The following SLC5A8 variants were observed in gnomAD, a reference collection of about 807,000 sequenced individuals.
SLC5A8 encodes the protein solute carrier family 5 member 8.
A neutral mutation model predicts 71.9 loss-of-function variants in SLC5A8; 55 were observed. The observed-to-expected ratio is 0.77, with a 90% CI of 0.62 to 0.96. SLC5A8 has a LOEUF of 0.96. Among genes scored for constraint, SLC5A8 ranks in the 40% least tolerant of loss-of-function variants. The pLI is 0.00. For missense variants in SLC5A8, 701 were observed against 745.3 expected, an observed-to-expected ratio of 0.94 and a Z score of 0.69; for synonymous variants, 307 against 276.1, an observed-to-expected ratio of 1.11 and a Z score of -1.11.
chr12:101,188,079 A>G (rs1420765991), intron 6 of SLC5A8, among the ~76,000 whole-genome samples: 1 of 152,214 alleles, frequency 6.6e-6, no homozygotes, highest in African/African-American at 2.4e-5. Context: ...ATAAAGGTTT[A>G]CACACAGCAC....
Position 101,185,412 on chromosome 12 carries a change from C to T in SLC5A8, c.964-1190G>A, listed in dbSNP as rs538711383. ...TCAAAAATCTGTGGTGTAATTATTT[C>T]GTATCTGAGTGGCCCCCTCAAGTAT... On this transcript the variant is annotated intron_variant, in intron 7 of 14. Transcript: ENST00000536262. Among the ~76,000 whole-genome samples, 24 of 152,212 alleles carry T rather than the reference C, an allele frequency of 1.6e-4. No homozygotes were observed. In the South Asian group the frequency reaches 2.1e-3, roughly 13 times the overall value.
At chr12:101,189,150 C>G (rs1302981526) in intron 6 of SLC5A8, among the ~76,000 whole-genome samples, 1 of 152,064 alleles carries the variant, frequency 6.6e-6, no homozygotes, top group Admixed American at 6.6e-5. Context: ...TTTCATGTTC[C>G]CAAGGGAAGA....
At chr12:101,168,740 T>C (rs1430647572) in intron 10 of SLC5A8, among the ~76,000 whole-genome samples, 2 of 152,172 alleles carry the variant, frequency 1.3e-5, no homozygotes, top group African/African-American at 4.8e-5. Flanking sequence ...TGCTTTGATG[T>C]AGAGATATCA....
At chr12:101,181,383 A>G (rs1294473554) in intron 9 of SLC5A8, among the ~76,000 whole-genome samples, 1 of 152,190 alleles carries the variant, frequency 6.6e-6, no homozygotes, top group Non-Finnish European at 1.5e-5. Flanking sequence ...CATCTGCCAC[A>G]TTCTTCTCTA....
chr12:101,192,687 C>A (rs564869950), intron 5 of SLC5A8, among the ~76,000 whole-genome samples: 3 of 152,292 alleles, frequency 2.0e-5, no homozygotes, highest in South Asian at 2.1e-4. Context: ...TAGACTGTAA[C>A]TTTCCTAGTC....
intron 1 of SLC5A8, among the ~76,000 whole-genome samples, chr12:101,206,492 C>G (rs1869685051): frequency 6.6e-6 from 1 of 152,154 alleles, no homozygotes; most frequent in Non-Finnish European, 1.5e-5. Flanking sequence ...CCAGGGAAAC[C>G]TGTGATTTAA....
intron 3 of SLC5A8, among the ~76,000 whole-genome samples, chr12:101,198,465 A>G (rs1329487741): frequency 1.3e-5 from 2 of 152,030 alleles, no homozygotes; most frequent in African/African-American, 4.8e-5. Context: ...CACTATAGAT[A>G]CTATAAACAT....
At chr12:101,158,595 T>TC (rs2137118642) in intron 13 of SLC5A8, among the ~76,000 whole-genome samples, 1 of 37,030 alleles carries the variant, frequency 2.7e-5, no homozygotes, top group Admixed American at 3.3e-4. Context: ...TCTCTCTCTC[T>TC]CTCTATATAT....
intron 1 of SLC5A8, among the ~76,000 whole-genome samples, chr12:101,204,930 T>C (rs573609472): frequency 6.6e-6 from 1 of 152,286 alleles, no homozygotes; most frequent in Admixed American, 6.5e-5. Flanking sequence ...TTCCAGAATG[T>C]CATATAAATG....
chr12:101,163,652 C>T (rs193099715), intron 12 of SLC5A8, among the ~76,000 whole-genome samples: 1 of 152,270 alleles, frequency 6.6e-6, no homozygotes, highest in Admixed American at 6.5e-5. Context: ...GACTGAGACT[C>T]CGTCTCAAAC....
intron 4 of SLC5A8, 69 bp from the exon 5 acceptor site, chr12:101,193,848 A>T (rs1019769258): frequency 2.7e-6 from 4 of 1,471,286 alleles, no homozygotes; most frequent in Non-Finnish European, 3.7e-6. Flanking sequence ...ACACTTATAC[A>T]CTATACTGGA....
At chr12:101,164,375 G>T (rs780817648) in intron 12 of SLC5A8, among the ~76,000 whole-genome samples, 1 of 152,044 alleles carries the variant, frequency 6.6e-6, no homozygotes, top group Non-Finnish European at 1.5e-5. Context: ...AATCTTAAGG[G>T]AAATACAAAT....
intron 6 of SLC5A8, 103 bp from the exon 7 acceptor site, chr12:101,187,618 A>G (rs1019549031): frequency 6.7e-6 from 8 of 1,185,336 alleles, no homozygotes; most frequent in South Asian, 2.0e-5. Context: ...ATTAGACTCA[A>G]TAAATGTACA....
At chr12:101,165,685 C>T (rs562948173) in intron 12 of SLC5A8, among the ~76,000 whole-genome samples, 5 of 152,142 alleles carry the variant, frequency 3.3e-5, no homozygotes, top group African/African-American at 7.2e-5. Context: ...TGTATGATCA[C>T]GTTCCTTCTC....
chr12:101,185,194 C>A (rs1326234851), intron 7 of SLC5A8, among the ~76,000 whole-genome samples: 2 of 152,212 alleles, frequency 1.3e-5, no homozygotes, highest in South Asian at 2.1e-4. Flanking sequence ...GTGTTCTCCA[C>A]TTTTCCAAAG....
rs942159558 is a variant in SLC5A8 at position 101,157,161 on chromosome 12, AT to A, written c.*117del. On this transcript the variant is annotated 3_prime_UTR_variant, in exon 15 of 15. Transcript: ENST00000536262. ...CCAGACTTTGTTTTAACAAAAACTT[AT>A]CCCCCAAACACTCATGATACAACAC... 32 of 1,225,188 alleles carry A rather than the reference AT, an allele frequency of 2.6e-5. 1 individual carries two copies. The African/African-American group carries it at 4.3e-4, about 16-fold the overall frequency. 75.9% of individuals were successfully genotyped at this position (1,225,188 alleles called of 1,614,324 possible). A position where few individuals can be genotyped will look rare whatever the true frequency, so the allele number is the denominator to read the frequency against.
At chr12:101,178,829 A>AAG (rs1404256636) in intron 10 of SLC5A8, among the ~76,000 whole-genome samples, 1 of 152,080 alleles carries the variant, frequency 6.6e-6, no homozygotes, top group East Asian at 1.9e-4. Flanking sequence ...AACTAAAAAA[A>AAG]AAAATGCACT....
At chr12:101,195,029 A>C in intron 4 of SLC5A8, 66 bp downstream of exon 4, 7 of 1,529,752 alleles carry the variant, frequency 4.6e-6, no homozygotes, top group Non-Finnish European at 4.5e-6. Flanking sequence ...GGTATACAAC[A>C]ACTGGAATTT....
intron 7 of SLC5A8, 46 bp downstream of exon 7, chr12:101,187,340 T>C (rs1308951459): frequency 1.9e-6 from 3 of 1,566,528 alleles, no homozygotes; most frequent in African/African-American, 2.7e-5. Flanking sequence ...CTAATAAGCT[T>C]TTTGAATATT....
Sources: allele counts gnomAD v4.1 joint callset (sites outside exome capture counted in the v4.1 genomes callset), GRCh38; gene constraint gnomAD v4.1.1; transcripts MANE v1.5; gene names NCBI Gene and HGNC (gene_info 2026-07-23, HGNC 2026-07-21).